Variants in LRRC74A observed in about 807,000 individuals in gnomAD.
The protein encoded by LRRC74A is leucine-rich repeat-containing protein 74A.
In LRRC74A, 44 loss-of-function variants were observed where a neutral mutation model predicts 57.9. The ratio of observed to expected loss-of-function variants is 0.76; its 90% confidence interval spans 0.60 to 0.98. LRRC74A has a LOEUF of 0.98. Ranked by LOEUF, LRRC74A falls within the 50% of genes least tolerant of loss-of-function variation. The probability of loss-of-function intolerance (pLI) is 0.00; values close to 1 mark genes in which losing one functional copy is unlikely to be tolerated. For missense variants in LRRC74A, 572 were observed against 574.0 expected (o/e 1.00, Z 0.04); for synonymous variants, 211 against 219.4 (o/e 0.96, Z 0.34).
chr14:76,842,031 TGAGTA>T (rs1278746501), intron 5 of LRRC74A, among the ~76,000 whole-genome samples: 11 of 152,148 alleles, frequency 7.2e-5, no homozygotes, highest in Non-Finnish European at 1.3e-4. Flanking sequence ...TTTACATTCT[TGAGTA>T]AAGTTTTAGT....
At chr14:76,846,552 C>A (rs1323956409) in intron 7 of LRRC74A, among the ~76,000 whole-genome samples, 1 of 152,156 alleles carries the variant, frequency 6.6e-6, no homozygotes, top group Non-Finnish European at 1.5e-5. Context: ...GAAGTTGTCA[C>A]AGGAGTCTAG....
At chr14:76,845,949 C>T (rs1004227855) in intron 7 of LRRC74A, among the ~76,000 whole-genome samples, 15 of 152,126 alleles carry the variant, frequency 9.9e-5, no homozygotes, top group Admixed American at 2.6e-4. Context: ...ACCCAAGAGG[C>T]GGTGGTTGCA....
chr14:76,834,853 A>C (rs1292670985), intron 3 of LRRC74A, among the ~76,000 whole-genome samples: 1 of 152,140 alleles, frequency 6.6e-6, no homozygotes, highest in Non-Finnish European at 1.5e-5. Context: ...TTTGAGCACA[A>C]CTCAAGGCAA....
rs1389870345 is a variant in LRRC74A at position 76,852,574 on chromosome 14, A to T, written c.762+124A>T. 9 of 605,730 alleles carry T rather than the reference A, an allele frequency of 1.5e-5. No individual in the cohort carries two copies. In the East Asian group the frequency reaches 3.0e-4, roughly 20 times the overall value. 37.5% of individuals were successfully genotyped at this position (605,730 alleles called of 1,614,324 possible). The stretch of plus-strand genomic sequence containing the variant: ...TGAGGGCATACTGGGCTCTCATCAA[A>T]TACTTTTCAAGTTATTGTTCTCCCT... On this transcript the variant is annotated intron_variant, in intron 8 of 13. Transcript: ENST00000689127.
intron 7 of LRRC74A, 137 bp downstream of exon 7, chr14:76,845,038 C>T: frequency 1.6e-6 from 1 of 612,342 alleles, no homozygotes. Flanking sequence ...AAAATACATT[C>T]AGAATTTGGG....
At chr14:76,868,765 C>T (rs1899163704) in intron 13 of LRRC74A, among the ~76,000 whole-genome samples, 1 of 152,240 alleles carries the variant, frequency 6.6e-6, no homozygotes, top group South Asian at 2.1e-4. Flanking sequence ...CTCCACTCAG[C>T]GTCGTCCACG....
intron 10 of LRRC74A, among the ~76,000 whole-genome samples, chr14:76,859,662 C>CTTTTT (rs1025552496): frequency 6.2e-5 from 5 of 80,900 alleles, no homozygotes; most frequent in African/African-American, 1.0e-4. Context: ...CTGAATTAGC[C>CTTTTT]TTTTTTTTTT....
intron 13 of LRRC74A, among the ~76,000 whole-genome samples, 156 bp downstream of exon 13, chr14:76,867,594 C>G (rs1017442621): frequency 2.0e-5 from 3 of 152,130 alleles, no homozygotes; most frequent in African/African-American, 2.4e-5. Flanking sequence ...CTGTCTACCC[C>G]CCTTCTCATC....
At chr14:76,829,648 C>G (rs1269190703) in intron 2 of LRRC74A, among the ~76,000 whole-genome samples, 3 of 152,216 alleles carry the variant, frequency 2.0e-5, no homozygotes, top group African/African-American at 7.2e-5. Flanking sequence ...CAGCATCAAA[C>G]CCAGCAGAAT....
intron 9 of LRRC74A, among the ~76,000 whole-genome samples, chr14:76,853,976 A>G (rs1897704566): frequency 6.6e-6 from 1 of 151,742 alleles, no homozygotes; most frequent in Admixed American, 6.6e-5. Flanking sequence ...CCAGCCCCTC[A>G]GTCTCCTGTC....
chr14:76,838,117 T>C, intron 5 of LRRC74A, 146 bp downstream of exon 5: 2 of 555,966 alleles, frequency 3.6e-6, no homozygotes, highest in Non-Finnish European at 6.3e-6. Context: ...TGCTAAACCC[T>C]CCCAGTCACA....
chr14:76,860,872 G>C, intron 11 of LRRC74A, 33 bp downstream of exon 11: 3 of 1,532,408 alleles, frequency 2.0e-6, no homozygotes, highest in Non-Finnish European at 2.7e-6. Flanking sequence ...GGGCCTCCAG[G>C]GAGCCCTGGG....
At chr14:76,850,155 C>T (rs1051022843) in intron 7 of LRRC74A, among the ~76,000 whole-genome samples, 3 of 151,984 alleles carry the variant, frequency 2.0e-5, no homozygotes, top group Non-Finnish European at 4.4e-5. Context: ...TTGCAGTGAG[C>T]GGAGATTGCG....
intron 7 of LRRC74A, among the ~76,000 whole-genome samples, chr14:76,845,478 C>G (rs1897059610): frequency 6.6e-6 from 1 of 152,104 alleles, no homozygotes; most frequent in Admixed American, 6.5e-5. Context: ...AGGCTAAGGA[C>G]TCTTAAGTAT....
intron 10 of LRRC74A, among the ~76,000 whole-genome samples, chr14:76,859,242 T>C (rs57840012): frequency 0.058 from 8,835 of 152,122 alleles, 299 homozygotes; most frequent in African/African-American, 0.079. Flanking sequence ...GAGAGAACAT[T>C]AGAAATGTTC....
At chr14:76,861,558 G>A (rs1037960265) in intron 11 of LRRC74A, among the ~76,000 whole-genome samples, 27 of 151,696 alleles carry the variant, frequency 1.8e-4, no homozygotes, top group African/African-American at 4.8e-4. Context: ...AGAAACACTC[G>A]AGTCCTTTGT....
Position 76,831,186 on chromosome 14 carries a change from C to T in LRRC74A, c.167-17C>T. ...AGGTGGAAGAGAAATCCTACTTCAG[C>T]CCATCTTTCTCTGCAGATGATGAGA... On this transcript the variant is annotated splice_polypyrimidine_tract_variant and intron_variant, in intron 2 of 13. Coordinates refer to ENST00000689127, the MANE Select transcript of LRRC74A (RefSeq NM_001385106.1). 6.2e-7 allele frequency: 1 copy of T among 1,613,332 alleles called. No homozygotes were observed.
chr14:76,849,994 G>A (rs1595374467), intron 7 of LRRC74A, among the ~76,000 whole-genome samples: 1 of 151,818 alleles, frequency 6.6e-6, no homozygotes, highest in Non-Finnish European at 1.5e-5. Flanking sequence ...GGATCACAAG[G>A]TCAGGAGATT....
At chr14:76,845,528 G>C (rs915838942) in intron 7 of LRRC74A, among the ~76,000 whole-genome samples, 4 of 152,104 alleles carry the variant, frequency 2.6e-5, no homozygotes, top group African/African-American at 7.2e-5. Context: ...AATGGAAAAA[G>C]TACCTTTTGG....
Sources: allele counts gnomAD v4.1 joint callset (sites outside exome capture counted in the v4.1 genomes callset), GRCh38; gene constraint gnomAD v4.1.1; transcripts MANE v1.5; gene names NCBI Gene and HGNC (gene_info 2026-07-23, HGNC 2026-07-21).